FOXP1: variants seen among roughly 807,000 people sequenced by gnomAD.
The protein encoded by FOXP1 is forkhead box protein P1.
A neutral mutation model predicts 98.2 loss-of-function variants in FOXP1; 15 were observed. The ratio of observed to expected loss-of-function variants is 0.15; its 90% CI spans 0.10 to 0.24. The LOEUF (loss-of-function observed/expected upper bound fraction) is 0.24, where lower values mean the gene tolerates loss of function less well. Ranked by LOEUF, FOXP1 falls within the 10% of genes least tolerant of loss-of-function variation. The pLI, the probability that FOXP1 is intolerant of heterozygous loss-of-function variation, is 1.00. For synonymous variants in FOXP1, 371 were observed against 314.5 expected, an observed-to-expected ratio of 1.18 and a Z score of -1.90; for missense variants, 633 against 848.5, an observed-to-expected ratio of 0.75 and a Z score of 3.15.
intron 3 of FOXP1, among the ~76,000 whole-genome samples, chr3:71,476,901 T>C (rs1408663383): frequency 6.6e-6 from 1 of 152,194 alleles, no homozygotes; most frequent in Non-Finnish European, 1.5e-5. Flanking sequence ...GTCTATGACA[T>C]TCCCCAAGAA....
chr3:70,970,957 T>G, intron 18 of FOXP1, 152 bp from the exon 19 acceptor site: 1 of 686,680 alleles, frequency 1.5e-6, no homozygotes, highest in South Asian at 1.5e-5. Context: ...TCCCCGTCAC[T>G]GATTTGCAGG....
At chr3:71,102,371 T>C (rs2057038864) in intron 7 of FOXP1, among the ~76,000 whole-genome samples, 1 of 152,190 alleles carries the variant, frequency 6.6e-6, no homozygotes, top group African/African-American at 2.4e-5. Context: ...GCATGCTATA[T>C]CCATGCTATG....
chr3:71,120,215 C>T (rs187614960), intron 6 of FOXP1, among the ~76,000 whole-genome samples: 1 of 152,314 alleles, frequency 6.6e-6, no homozygotes, highest in Non-Finnish European at 1.5e-5. Flanking sequence ...CTCTATGATA[C>T]TGCAAATAAG....
At chr3:71,146,247 T>A (rs1158348695) in intron 6 of FOXP1, among the ~76,000 whole-genome samples, 9 of 152,180 alleles carry the variant, frequency 5.9e-5, no homozygotes, top group Non-Finnish European at 1.5e-5. Flanking sequence ...CCATCCCAGG[T>A]AATAAATCAA....
intron 6 of FOXP1, among the ~76,000 whole-genome samples, chr3:71,134,120 A>G (rs1217637684): frequency 6.6e-6 from 1 of 152,210 alleles, no homozygotes; most frequent in Non-Finnish European, 1.5e-5. Context: ...CTGGTGCTTC[A>G]GACATTTGTC....
At chr3:70,977,522 C>CTTATAGAAAAGGTTTCAGCA in intron 16 of FOXP1, 121 bp downstream of exon 16, 3 of 806,140 alleles carry the variant, frequency 3.7e-6, no homozygotes, top group Non-Finnish European at 4.2e-6. Flanking sequence ...TTTAAAAAAC[C>CTTATAGAAAAGGTTTCAGCA]TTATAGAAAA....
intron 17 of FOXP1, among the ~76,000 whole-genome samples, chr3:70,974,642 GTTAC>G (rs2037112237): frequency 1.3e-5 from 2 of 152,294 alleles, no homozygotes; most frequent in African/African-American, 4.8e-5. Context: ...AAGGTCTACT[GTTAC>G]TTACTGGAAC....
intron 2 of FOXP1, among the ~76,000 whole-genome samples, chr3:71,546,491 C>G (rs1311611438): frequency 2.0e-5 from 3 of 152,138 alleles, no homozygotes. Flanking sequence ...GATGATGGAA[C>G]AGTGGAGCCT....
At chr3:71,424,798 G>A (rs2083985664) in intron 3 of FOXP1, among the ~76,000 whole-genome samples, 1 of 152,162 alleles carries the variant, frequency 6.6e-6, no homozygotes, top group Non-Finnish European at 1.5e-5. Flanking sequence ...CAAAAGTGGA[G>A]GACACAGCCC....
At chr3:70,988,704 T>A (rs761606163) in intron 13 of FOXP1, among the ~76,000 whole-genome samples, 2 of 152,232 alleles carry the variant, frequency 1.3e-5, no homozygotes, top group Non-Finnish European at 2.9e-5. Flanking sequence ...TAAAAAAAGA[T>A]CTTCTGAAGT....
chr3:70,972,377 G>A (rs940773246), intron 18 of FOXP1, 178 bp downstream of exon 18: 7 of 972,500 alleles, frequency 7.2e-6, no homozygotes, highest in Non-Finnish European at 9.6e-6. Flanking sequence ...CAGCAAGCAG[G>A]GCAGGGGGAC....
intron 2 of FOXP1, among the ~76,000 whole-genome samples, chr3:71,530,841 A>G (rs555142478): frequency 3.1e-4 from 47 of 152,322 alleles, no homozygotes; most frequent in African/African-American, 1.1e-3. Flanking sequence ...TACAGCCTGT[A>G]TGGAGGGGTC....
At chr3:71,542,814 T>C (rs932861755) in intron 2 of FOXP1, among the ~76,000 whole-genome samples, 1 of 152,190 alleles carries the variant, frequency 6.6e-6, no homozygotes, top group Non-Finnish European at 1.5e-5. Flanking sequence ...GCCTGTCCTA[T>C]TATGGAGTCA....
intron 2 of FOXP1, among the ~76,000 whole-genome samples, chr3:71,536,987 G>C (rs542676680): frequency 6.6e-6 from 1 of 152,314 alleles, no homozygotes; most frequent in East Asian, 1.9e-4. Flanking sequence ...GAGCCATGGA[G>C]GGAAGGTCTG....
rs146102932 is a variant in FOXP1 at position 71,029,689 on chromosome 3, C to T, written c.869+11639G>A. Among the ~76,000 whole-genome samples the T allele has an allele frequency of 3.9e-5, 6 of 152,276 alleles. No individual in the cohort carries two copies. In the East Asian group the frequency reaches 1.2e-3, roughly 29 times the overall value. ...TGTAGGCATCAGCCACCACGCTGGG[C>T]CCATTTTTAACAAGTCATGCCCTCT... On this transcript the variant is annotated intron_variant, in intron 11 of 20. Transcript: ENST00000649528.
rs567255027 is a variant in FOXP1, at chr3:70,957,108, A to G, written c.*2139T>C. 27 of 222,074 alleles carry G rather than the reference A, an allele frequency of 1.2e-4. No individual in the cohort carries two copies. The highest frequency in any genetic ancestry group is 5.8e-4 in the African/African-American group (26 of 44,886). 13.8% of individuals were successfully genotyped at this position (222,074 alleles called of 1,614,324 possible). A position where few individuals can be genotyped will look rare whatever the true frequency, so the allele number is the denominator to read the frequency against. ...ATGGAAGCTTTTCTGTCCTGACTCT[A>G]AACTGTCTCCTTTATTGGATACTCT... On this transcript the variant is annotated 3_prime_UTR_variant, in exon 21 of 21. Coordinates refer to ENST00000649528, the MANE Select transcript of FOXP1 (RefSeq NM_001349338.3).
chr3:71,052,597 T>C lies in FOXP1; in HGVS notation c.450A>G (p.Gln150=), dbSNP rs1433777499. The change falls in exon 9 of 21, where the codon CAA becomes CAG. Residue 150 remains glutamine (Q), a synonymous_variant. Coordinates refer to ENST00000649528, the MANE Select transcript of FOXP1 (RefSeq NM_001349338.3). ...AAAGTTGAAGCTGCAACTGTTCCTG[T>C]TGTTTTTTATAAAACTCTTGAAGCT... ...QQQLQEFYKK[Q]QEQLQLQLLQ... 14 of 1,411,968 alleles carry C rather than the reference T, an allele frequency of 9.9e-6. No individual in the cohort carries two copies. The Admixed American group carries it at 1.5e-4, about 15-fold the overall frequency. The allele number at this position is 1,411,968 out of a possible 1,614,324, so 87.5% of individuals were successfully genotyped here.
chr3:70,983,732 A>T (rs781470438), intron 14 of FOXP1, among the ~76,000 whole-genome samples: 32 of 152,244 alleles, frequency 2.1e-4, no homozygotes, highest in Non-Finnish European at 1.8e-4. Flanking sequence ...TCATGTACTC[A>T]GTATTATAAA....
At chr3:71,557,185 T>C (rs1000776624) in intron 2 of FOXP1, among the ~76,000 whole-genome samples, 6 of 152,124 alleles carry the variant, frequency 3.9e-5, no homozygotes, top group Non-Finnish European at 5.9e-5. Flanking sequence ...AAAAGTTGGG[T>C]ATATCATACA....
Sources: gnomAD v4.1 joint callset for allele counts (sites outside exome capture counted in the v4.1 genomes callset) on GRCh38, gnomAD v4.1.1 for gene constraint, MANE v1.5 for transcripts, NCBI Gene and HGNC (gene_info 2026-07-23, HGNC 2026-07-21) for gene names.